MDGA2: variants seen among roughly 807,000 people sequenced by gnomAD.
MDGA2 encodes MAM domain-containing glycosylphosphatidylinositol anchor protein 2.
A neutral mutation model predicts 117.8 loss-of-function variants in MDGA2; 40 were observed. That is an observed-to-expected ratio of 0.34 (90% confidence interval 0.26 to 0.44). The LOEUF is 0.44. Among genes scored for constraint, MDGA2 ranks in the 20% least tolerant of loss-of-function variants. MDGA2 has a pLI of 1.00. For synonymous variants in MDGA2, 452 were observed against 439.0 expected, an observed-to-expected ratio of 1.03 and a Z score of -0.37; for missense variants, 1,123 against 1,250.6, an observed-to-expected ratio of 0.90 and a Z score of 1.54.
Position 46,957,481 on chromosome 14 carries a change from T to C in MDGA2, c.1982A>G (p.Glu661Gly). The C allele has an allele frequency of 6.2e-7, 1 of 1,614,150 alleles. No individual in the cohort carries two copies. Among genetic ancestry groups the C allele is most frequent in the Non-Finnish European group, 8.5e-7 (1 of 1,180,014 alleles). ...ACTCTTCACAGCGTACTCTGTGTAT[T>C]CCTGAGAGTCAAATTGACCCGTCCG... ...LLRTGQFDSQ[E>G]YTEYAVKSLS... is the part of the protein sequence containing the mutation. The change falls in exon 9 of 17, where the codon GAA (glutamate) becomes GGA (glycine). Residue 661 changes from glutamate to glycine, a missense_variant. Glu to Gly is a moderately conservative substitution (Grantham distance 98, BLOSUM62 -2). This residue lies in a region of MDGA2 where 890 missense variants were observed against 1,050.3 expected (regional missense o/e 0.85). Coordinates refer to ENST00000399232, the MANE Select transcript of MDGA2 (RefSeq NM_001113498.3).
chr14:47,565,153 G>A (rs1350079173), intron 1 of MDGA2, among the ~76,000 whole-genome samples: 1 of 152,166 alleles, frequency 6.6e-6, no homozygotes, highest in Non-Finnish European at 1.5e-5. Flanking sequence ...CTGCTCTGGG[G>A]AAGTAGTGCA....
intron 3 of MDGA2, among the ~76,000 whole-genome samples, chr14:47,178,579 T>G (rs1884571710): frequency 6.6e-6 from 1 of 152,210 alleles, no homozygotes; most frequent in Admixed American, 6.5e-5. Context: ...ACCATTTATG[T>G]ACCAGGCACT....
At chr14:47,410,853 A>G (rs1892358442) in intron 1 of MDGA2, among the ~76,000 whole-genome samples, 1 of 152,218 alleles carries the variant, frequency 6.6e-6, no homozygotes, top group Non-Finnish European at 1.5e-5. Context: ...GTATTTATAA[A>G]GTATCTACTA....
In MDGA2 at chr14:47,218,040, T is replaced by TGACTTTATC; in HGVS notation, c.567_575dup (p.Lys191_Ile193dup). ...ACTTACAGTATACATCCACTCTGAT[T>TGACTTTATC]GACTTTATCGCTGGAGACCCCAAGC... On this transcript the variant is annotated inframe_insertion, in exon 3 of 17. Transcript: ENST00000399232. 1 of 1,549,786 alleles carries TGACTTTATC rather than the reference T, an allele frequency of 6.5e-7. No individual in the cohort carries two copies. The highest frequency in any genetic ancestry group is 8.7e-7 in the Non-Finnish European group (1 of 1,145,848).
At chr14:47,016,756 A>C (rs1888097841) in intron 8 of MDGA2, among the ~76,000 whole-genome samples, 1 of 152,054 alleles carries the variant, frequency 6.6e-6, no homozygotes, top group African/African-American at 2.4e-5. Flanking sequence ...TATTTATTGT[A>C]AATATATATT....
intron 8 of MDGA2, among the ~76,000 whole-genome samples, chr14:47,000,399 A>AG (rs1491370755): frequency 4.6e-5 from 1 of 21,972 alleles, no homozygotes; most frequent in Non-Finnish European, 1.4e-4. Context: ...ATTTATATAT[A>AG]AATATATATT....
chr14:47,023,181 G>A (rs182497189), intron 8 of MDGA2, among the ~76,000 whole-genome samples: 25 of 121,206 alleles, frequency 2.1e-4, no homozygotes, highest in Non-Finnish European at 3.7e-4. Flanking sequence ...AATTGCAACC[G>A]AAAGTATTCC....
At chr14:47,487,279 T>G (rs1894081274) in intron 1 of MDGA2, among the ~76,000 whole-genome samples, 1 of 152,226 alleles carries the variant, frequency 6.6e-6, no homozygotes, top group East Asian at 1.9e-4. Flanking sequence ...TAGACCACAT[T>G]CAATCAGATA....
At chr14:47,649,478 A>T (rs1327773698) in intron 1 of MDGA2, among the ~76,000 whole-genome samples, 1 of 152,092 alleles carries the variant, frequency 6.6e-6, no homozygotes. Context: ...TATACAGCAT[A>T]GCCTGGGAGA....
intron 3 of MDGA2, among the ~76,000 whole-genome samples, chr14:47,168,962 T>A (rs1884006361): frequency 6.6e-6 from 1 of 152,208 alleles, no homozygotes; most frequent in East Asian, 1.9e-4. Flanking sequence ...AGACTTTAAA[T>A]AGTACTCTTT....
At chr14:47,248,079 CT>C (rs1331013265) in intron 2 of MDGA2, among the ~76,000 whole-genome samples, 1 of 151,538 alleles carries the variant, frequency 6.6e-6, no homozygotes, top group Non-Finnish European at 1.5e-5. Flanking sequence ...CAAGTCTCTG[CT>C]ATTGTGAATA....
At chr14:47,051,993 T>C (rs937230132) in intron 7 of MDGA2, among the ~76,000 whole-genome samples, 14 of 151,904 alleles carry the variant, frequency 9.2e-5, no homozygotes, top group African/African-American at 3.4e-4. Context: ...TATGCTGTAA[T>C]GTACATTCCA....
intron 3 of MDGA2, among the ~76,000 whole-genome samples, chr14:47,214,870 T>C (rs1030029026): frequency 2.6e-5 from 4 of 152,126 alleles, no homozygotes; most frequent in Admixed American, 1.3e-4. Flanking sequence ...CATTAATATA[T>C]ACATTATGTG....
intron 1 of MDGA2, among the ~76,000 whole-genome samples, chr14:47,460,727 G>T (rs1893465474): frequency 6.6e-6 from 1 of 151,996 alleles, no homozygotes; most frequent in Non-Finnish European, 1.5e-5. Context: ...ACAGAACCCA[G>T]GGGGCCCCTG....
At chr14:47,305,176 A>T (rs1314959054) in intron 1 of MDGA2, 1 of 152,196 alleles carries the variant, frequency 6.6e-6, no homozygotes, top group African/African-American at 2.4e-5. Context: ...AATATCAACT[A>T]TTATGGCAGT....
At chr14:47,439,818 A>AGT (rs3039634) in intron 1 of MDGA2, among the ~76,000 whole-genome samples, 43,578 of 150,114 alleles carry the variant, frequency 0.29, 6,766 homozygotes, top group Middle Eastern at 0.43. Context: ...TCACTAAGGG[A>AGT]GTGTGTGTGT....
intron 7 of MDGA2, among the ~76,000 whole-genome samples, chr14:47,036,312 A>G (rs1221845010): frequency 6.6e-6 from 1 of 150,466 alleles, no homozygotes; most frequent in African/African-American, 2.4e-5. Flanking sequence ...ATTTTTCTCG[A>G]GTAAAGTTAA....
chr14:47,190,266 T>C (rs1885061151), intron 3 of MDGA2, among the ~76,000 whole-genome samples: 1 of 152,198 alleles, frequency 6.6e-6, no homozygotes, highest in Non-Finnish European at 1.5e-5. Context: ...ATAGCATGAA[T>C]GTGTAACCAG....
intron 2 of MDGA2, among the ~76,000 whole-genome samples, chr14:47,257,477 C>T (rs1887661316): frequency 6.6e-6 from 1 of 152,088 alleles, no homozygotes; most frequent in African/African-American, 2.4e-5. Context: ...GCTCTCTCCA[C>T]CTACTACTCT....
Sources: gnomAD v4.1 joint callset for allele counts (sites outside exome capture counted in the v4.1 genomes callset) on GRCh38, gnomAD v4.1.1 for gene constraint, gnomAD v4.1.1 regional missense constraint, MANE v1.5 for transcripts, NCBI Gene and HGNC (gene_info 2026-07-23, HGNC 2026-07-21) for gene names.